Variants in NAV2 observed in about 807,000 individuals in gnomAD.
NAV2 encodes neuron navigator 2.
In NAV2, 54 loss-of-function variants were observed where a neutral mutation model predicts 223.2. The observed-to-expected ratio is 0.24, with a 90% CI of 0.19 to 0.30. NAV2 has a LOEUF of 0.30. Ranked by LOEUF, NAV2 falls within the 10% of genes least tolerant of loss-of-function variation. The probability of loss-of-function intolerance (pLI) is 1.00; values close to 1 mark genes in which losing one functional copy is unlikely to be tolerated. For missense variants in NAV2, 2,806 were observed against 3,147.5 expected (o/e 0.89, Z 2.60); for synonymous variants, 1,279 against 1,239.3 (o/e 1.03, Z -0.67).
chr11:19,690,367 T>C (rs759696585), intron 1 of NAV2, among the ~76,000 whole-genome samples: 1 of 152,248 alleles, frequency 6.6e-6, no homozygotes, highest in African/African-American at 2.4e-5. Flanking sequence ...GGCCAAAGTC[T>C]GGTGGTTTCT....
At chr11:19,614,846 A>G (rs1185290183) in intron 1 of NAV2, among the ~76,000 whole-genome samples, 2 of 152,104 alleles carry the variant, frequency 1.3e-5, no homozygotes, top group Non-Finnish European at 2.9e-5. Context: ...TATGATGAGG[A>G]CTTCCTTTCT....
chr11:20,091,011 G>A lies in NAV2; in HGVS notation c.5645G>A (p.Arg1882Lys). Residue 1882 changes from arginine to lysine, a missense_variant, in exon 27 of 38, where the codon AGG (arginine) becomes AAG (lysine). Around this residue, in one of 4 missense-constraint regions of NAV2, gnomAD observed 824 missense variants for 1,069.4 expected, o/e 0.77. Transcript: ENST00000349880. The part of the protein sequence containing the change: ...QLDQLREAMN[R>K]MQSEIEKLKA... Reference sequence around the variant, plus strand: ...GACCAGCTCCGGGAGGCCATGAACAGGATGCAGGTGAGAGCCCAGGAGCAT... The same window carrying A: ...GACCAGCTCCGGGAGGCCATGAACAAGATGCAGGTGAGAGCCCAGGAGCAT... 6.2e-7 allele frequency: 1 copy of A among 1,613,102 alleles called. No homozygotes were observed. The highest frequency in any genetic ancestry group is 8.5e-7 in the Non-Finnish European group (1 of 1,179,814).
rs376309166 is a variant in NAV2 at position 20,114,767 on chromosome 11, C to A, written c.7136C>A (p.Pro2379His). Residue 2379 changes from proline to histidine, a missense_variant, in exon 37 of 38, where the codon CCC becomes CAC. By Grantham distance (77) the Pro-to-His change is moderately conservative (BLOSUM62 -2). Coordinates refer to ENST00000349880, the MANE Select transcript of NAV2 (RefSeq NM_145117.5). ...GAGGGATCGACAAGCAAGCAGATGC[C>A]CCCCAGTGATGCTGAAGGTGACCCG... ...PREGSTSKQMPPSDAEGDPLM... is the reference protein window; with the variant it reads ...PREGSTSKQMHPSDAEGDPLM... 7 of 1,613,688 alleles carry A rather than the reference C, an allele frequency of 4.3e-6. No homozygotes were observed. In the African/African-American group the frequency reaches 8.0e-5, roughly 18 times the overall value.
chr11:19,409,747 C>G (rs1051551439), intron 1 of NAV2, among the ~76,000 whole-genome samples: 4 of 152,180 alleles, frequency 2.6e-5, no homozygotes, highest in African/African-American at 4.8e-5. Flanking sequence ...GGCCCTGTCT[C>G]CATTCTAAAG....
At chr11:19,993,483 G>A (rs1382497151) in intron 11 of NAV2, among the ~76,000 whole-genome samples, 1 of 152,226 alleles carries the variant, frequency 6.6e-6, no homozygotes, top group Non-Finnish European at 1.5e-5. Context: ...TATACCATAT[G>A]CCTGCAAGGA....
At chr11:20,034,863 G>A (rs1032360182) in intron 11 of NAV2, among the ~76,000 whole-genome samples, 3 of 152,160 alleles carry the variant, frequency 2.0e-5, no homozygotes, top group Non-Finnish European at 4.4e-5. Context: ...AGGGGCAAGT[G>A]TTCAGAAAGA....
intron 17 of NAV2, among the ~76,000 whole-genome samples, chr11:20,051,903 A>G (rs963940210): frequency 7.2e-5 from 11 of 152,204 alleles, no homozygotes; most frequent in Admixed American, 3.3e-4. Context: ...TGGATAATAA[A>G]GAAAAGACTC....
intron 1 of NAV2, among the ~76,000 whole-genome samples, chr11:19,807,833 G>A (rs574641035): frequency 6.6e-6 from 1 of 152,326 alleles, no homozygotes; most frequent in South Asian, 2.1e-4. Flanking sequence ...GTCTGATACA[G>A]CAGGAAAAGT....
chr11:19,685,932 T>C (rs1590088199), intron 1 of NAV2, among the ~76,000 whole-genome samples: 1 of 152,156 alleles, frequency 6.6e-6, no homozygotes, highest in Non-Finnish European at 1.5e-5. Context: ...AATCTCATCA[T>C]GTGACTTTCC....
At chr11:19,481,533 GC>G (rs1014285421) in intron 1 of NAV2, among the ~76,000 whole-genome samples, 6 of 152,184 alleles carry the variant, frequency 3.9e-5, no homozygotes, top group Non-Finnish European at 7.3e-5. Flanking sequence ...ATTGGGTGTT[GC>G]AGGGCAAAAT....
chr11:19,982,945 G>A (rs761953519), intron 10 of NAV2, among the ~76,000 whole-genome samples: 2 of 152,186 alleles, frequency 1.3e-5, no homozygotes, highest in African/African-American at 2.4e-5. Flanking sequence ...TTTCCATGAC[G>A]TAGCTCAGCT....
intron 1 of NAV2, among the ~76,000 whole-genome samples, chr11:19,357,529 A>AAT (rs1269602056): frequency 1.3e-5 from 2 of 152,206 alleles, no homozygotes; most frequent in African/African-American, 2.4e-5. Flanking sequence ...TATCTATTAT[A>AAT]ATTCTTATCA....
chr11:19,628,509 A>G (rs1281325884), intron 1 of NAV2, among the ~76,000 whole-genome samples: 1 of 152,194 alleles, frequency 6.6e-6, no homozygotes, highest in Non-Finnish European at 1.5e-5. Context: ...TGACACAGAT[A>G]TATATTCGAA....
At chr11:19,397,418 T>TGTGTGTGTGTGTGTGTGTGCGC (rs57566081) in intron 1 of NAV2, among the ~76,000 whole-genome samples, 416 of 145,332 alleles carry the variant, frequency 2.9e-3, no homozygotes, top group Middle Eastern at 3.4e-3. Flanking sequence ...TGTGTGTGTG[T>TGTGTGTGTGTGTGTGTGTGCGC]GCGCGCATGT....
At chr11:19,840,843 T>C (rs762168623) in intron 2 of NAV2, among the ~76,000 whole-genome samples, 52 of 152,248 alleles carry the variant, frequency 3.4e-4, no homozygotes, top group Non-Finnish European at 6.3e-4. Flanking sequence ...TCAACAAGTA[T>C]TTATTGTGTG....
chr11:20,038,317 T>A (rs749936311), intron 12 of NAV2, among the ~76,000 whole-genome samples: 13 of 152,364 alleles, frequency 8.5e-5, no homozygotes, highest in Non-Finnish European at 1.8e-4. Context: ...AATGGTTTAC[T>A]ACTCATTGGG....
intron 11 of NAV2, among the ~76,000 whole-genome samples, 163 bp downstream of exon 11, chr11:19,984,410 T>A (rs1316344237): frequency 6.6e-6 from 1 of 151,902 alleles, no homozygotes; most frequent in African/African-American, 2.4e-5. Flanking sequence ...GTACAGTAGG[T>A]AGGAAAGGGC....
chr11:19,719,560 A>G (rs2050591678), intron 1 of NAV2, among the ~76,000 whole-genome samples: 1 of 152,214 alleles, frequency 6.6e-6, no homozygotes, highest in Non-Finnish European at 1.5e-5. Flanking sequence ...GCACATACTA[A>G]GCTAGGAATA....
At chr11:20,074,760 C>CCTTTTTTTTTTTTTTT (rs56895607) in intron 22 of NAV2, among the ~76,000 whole-genome samples, 2,274 of 109,274 alleles carry the variant, frequency 0.021, 169 homozygotes, top group South Asian at 0.032. Flanking sequence ...TGCAACTCTG[C>CCTTTTTTTTTTTTTTT]TTTTTTTTTT....
Sources: allele counts gnomAD v4.1 joint callset (sites outside exome capture counted in the v4.1 genomes callset), GRCh38; gene constraint gnomAD v4.1.1; regional missense constraint gnomAD v4.1.1; transcripts MANE v1.5; gene names NCBI Gene and HGNC (gene_info 2026-07-23, HGNC 2026-07-21).